SZRD1: variants seen among roughly 807,000 people sequenced by gnomAD.
SZRD1 encodes the protein SUZ RNA-binding domain-containing.
SZRD1 carries 7 observed loss-of-function variants against 17.6 expected under a neutral mutation model. The observed-to-expected ratio is 0.40, with a 90% CI of 0.23 to 0.75. SZRD1 has a LOEUF of 0.75. SZRD1 is among the 30% of genes least tolerant of loss of function. The pLI is 0.38. For missense variants in SZRD1, 178 were observed against 201.8 expected, an observed-to-expected ratio of 0.88 and a Z score of 0.71; for synonymous variants, 77 against 77.9, an observed-to-expected ratio of 0.99 and a Z score of 0.06.
chr1:16,369,873 G>A (rs1321037573), intron 1 of SZRD1, among the ~76,000 whole-genome samples: 1 of 141,742 alleles, frequency 7.1e-6, no homozygotes, highest in Non-Finnish European at 1.5e-5. Context: ...TGGGCAACAA[G>A]AGTGAAACTC....
chr1:16,388,555 A>G (rs1557629721), intron 1 of SZRD1, among the ~76,000 whole-genome samples: 1 of 152,080 alleles, frequency 6.6e-6, no homozygotes, highest in Admixed American at 6.6e-5. Flanking sequence ...GAGAAAAACT[A>G]TGTTCTAGGA....
chr1:16,394,948 C>G, intron 3 of SZRD1, 90 bp from the exon 4 acceptor site: 3 of 783,170 alleles, frequency 3.8e-6, no homozygotes. Flanking sequence ...GAATGAGACT[C>G]CGTCTCAAAA....
At chr1:16,388,459 G>A (rs982656705) in intron 1 of SZRD1, among the ~76,000 whole-genome samples, 1 of 152,088 alleles carries the variant, frequency 6.6e-6, no homozygotes, top group Non-Finnish European at 1.5e-5. Flanking sequence ...ATAGGTGTCA[G>A]TGTTAGACTA....
intron 1 of SZRD1, among the ~76,000 whole-genome samples, chr1:16,379,964 G>A (rs1386473763): frequency 6.6e-6 from 1 of 152,060 alleles, no homozygotes; most frequent in African/African-American, 2.4e-5. Flanking sequence ...GCTTCACCAT[G>A]TTGGCCAGGC....
At chr1:16,370,405 T>G (rs956533735) in intron 1 of SZRD1, among the ~76,000 whole-genome samples, 7 of 151,940 alleles carry the variant, frequency 4.6e-5, no homozygotes, top group Non-Finnish European at 1.0e-4. Flanking sequence ...TTTTGTATTT[T>G]TAGTAGAGAC....
chr1:16,385,719 A>G (rs1051283430), intron 1 of SZRD1, among the ~76,000 whole-genome samples: 3 of 152,048 alleles, frequency 2.0e-5, no homozygotes, highest in Admixed American at 1.3e-4. Context: ...GAATGATCTT[A>G]TCCGCATTGT....
At position 16,367,276 on chromosome 1, in the gene SZRD1, G is replaced by T. The variant is rs1156423088; in HGVS notation, c.19G>T (p.Ala7Ser). The T allele has an allele frequency of 3.2e-6, 5 of 1,548,702 alleles. No homozygotes were observed. The highest frequency in any genetic ancestry group is 4.9e-5 in the East Asian group (2 of 40,866). The change falls in exon 1 of 4, where the codon GCT becomes TCT. Residue 7 changes from alanine to serine, a missense_variant. Coordinates refer to ENST00000401088, the MANE Select transcript of SZRD1 (RefSeq NM_001114600.3). The part of the protein sequence containing the change: MEDEEV[A>S]ESWEEAADSG... ...GAGTAAGATGGAAGATGAGGAGGTC[G>T]CTGAGAGCTGGGAAGAGGCGGCAGA...
At chr1:16,369,454 G>C in intron 1 of SZRD1, 1 of 1,049,966 alleles carries the variant, frequency 9.5e-7, no homozygotes. Flanking sequence ...TACGGGGTGA[G>C]TGCATTCAAG....
In SZRD1 at chr1:16,388,795, G is replaced by A. The variant is rs763638040; in HGVS notation, c.52-2580G>A. Among the ~76,000 whole-genome samples the A allele has an allele frequency of 1.2e-4, 18 of 145,652 alleles. No homozygotes were observed. The East Asian group carries it at 2.1e-3, about 17-fold the overall frequency. On this transcript the variant is annotated intron_variant, in intron 1 of 3. Coordinates refer to ENST00000401088, the MANE Select transcript of SZRD1 (RefSeq NM_001114600.3). ...CCCTAGTAGCTGGGATTACATGTGCGCACCACCACGCCTGGATAATTGTTG... is the reference window on the plus strand; with the variant it reads ...CCCTAGTAGCTGGGATTACATGTGCACACCACCACGCCTGGATAATTGTTG...
rs2085337365 is a variant in SZRD1 at position 16,397,798 on chromosome 1, A to G, written c.*2658A>G. On this transcript the variant is annotated 3_prime_UTR_variant, in exon 4 of 4. Coordinates refer to ENST00000401088, the MANE Select transcript of SZRD1 (RefSeq NM_001114600.3). This position sits in a 1 kb window ranked among gnomAD's most constrained non-coding sequence, Gnocchi z 5.4. ...CTACCATCAGCCCCTTCCAGAGCCCATCTGCCCCGCCCAGCCCTGCCCTGC... is the reference window on the plus strand; with the variant it reads ...CTACCATCAGCCCCTTCCAGAGCCCGTCTGCCCCGCCCAGCCCTGCCCTGC... 6 of 169,170 alleles carry G rather than the reference A, an allele frequency of 3.5e-5. No homozygotes were observed. The South Asian group carries it at 1.2e-3, about 33-fold the overall frequency. The allele number at this position is 169,170 out of a possible 1,614,324, so 10.5% of individuals were successfully genotyped here.
chr1:16,369,402 C>A, intron 1 of SZRD1: 1 of 1,076,020 alleles, frequency 9.3e-7, no homozygotes, highest in African/African-American at 1.6e-5. Flanking sequence ...TCCTTTCTTG[C>A]AAAAACTGCT....
At chr1:16,392,296 G>T (rs565771831) in intron 2 of SZRD1, among the ~76,000 whole-genome samples, 1 of 152,316 alleles carries the variant, frequency 6.6e-6, no homozygotes, top group African/African-American at 2.4e-5. Context: ...TCTGGAAGCA[G>T]GCTTGTTTGG....
At chr1:16,369,660 G>C (rs1178877425) in intron 1 of SZRD1, 5 of 521,620 alleles carry the variant, frequency 9.6e-6, no homozygotes, top group African/African-American at 3.9e-5. Flanking sequence ...AGGCTGAGGT[G>C]GGTGGATAAC....
chr1:16,392,877 G>A (rs979683709), intron 2 of SZRD1, among the ~76,000 whole-genome samples: 1 of 152,170 alleles, frequency 6.6e-6, no homozygotes, highest in South Asian at 2.1e-4. Flanking sequence ...CTTAACTGAC[G>A]TCATTCAATT....
Position 16,395,207 on chromosome 1 carries a change from C to T in SZRD1, c.*67C>T. ...CTCCTGGGTCGTCCGCCACGGGTTGCACTGCCGTGGCAGACAGCTGGACTT... is the reference window on the plus strand; with the variant it reads ...CTCCTGGGTCGTCCGCCACGGGTTGTACTGCCGTGGCAGACAGCTGGACTT... On this transcript the variant is annotated 3_prime_UTR_variant, in exon 4 of 4. Transcript: ENST00000401088. 8.9e-7 allele frequency: 1 copy of T among 1,127,672 alleles called. No homozygotes were observed. The highest frequency in any genetic ancestry group is 1.3e-6 in the Non-Finnish European group (1 of 740,792). The allele number at this position is 1,127,672 out of a possible 1,614,324, so 69.9% of individuals were successfully genotyped here. A position where few individuals can be genotyped will look rare whatever the true frequency, so the allele number is the denominator to read the frequency against.
Position 16,397,919 on chromosome 1 carries a change from A to G in SZRD1, c.*2779A>G. ...CCTCCCTGGTAAGCAGAGACTCAAG[A>G]AACCTCTGGGGTCCTGTTTTCTGGT... On this transcript the variant is annotated 3_prime_UTR_variant, in exon 4 of 4. Transcript: ENST00000401088. This position sits in a 1 kb window ranked among gnomAD's most constrained non-coding sequence, Gnocchi z 5.4. 3.9e-6 allele frequency: 2 copies of G among 506,806 alleles called. No individual in the cohort carries two copies. The highest frequency in any genetic ancestry group is 5.1e-6 in the Non-Finnish European group (2 of 393,136). 31.4% of individuals were successfully genotyped at this position (506,806 alleles called of 1,614,324 possible).
At chr1:16,389,350 C>T (rs1240359354) in intron 1 of SZRD1, among the ~76,000 whole-genome samples, 28 of 151,904 alleles carry the variant, frequency 1.8e-4, no homozygotes, top group East Asian at 1.9e-4. Context: ...CTGCAAGCTT[C>T]GCCTCCCGGG....
Position 16,380,530 on chromosome 1 carries a change from G to A in SZRD1, c.52-10845G>A, listed in dbSNP as rs138436204. Among the ~76,000 whole-genome samples the A allele has an allele frequency of 9.8e-3, 1,496 of 151,986 alleles. 21 individuals carry two copies. The highest frequency in any genetic ancestry group is 0.035 in the African/African-American group (1,443 of 41,434). On this transcript the variant is annotated intron_variant, in intron 1 of 3. Coordinates refer to ENST00000401088, the MANE Select transcript of SZRD1 (RefSeq NM_001114600.3). ...GCCCAGGCTACTGGAGTGCAGTGGC[G>A]TGATCGCGGTTCACCACAGCCTCCA...
intron 1 of SZRD1, among the ~76,000 whole-genome samples, chr1:16,375,243 C>T (rs2082980442): frequency 6.6e-6 from 1 of 152,092 alleles, no homozygotes; most frequent in Non-Finnish European, 1.5e-5. Flanking sequence ...TAGCTCTGTG[C>T]AGGATATTAA....
Sources: gnomAD v4.1 joint callset for allele counts (sites outside exome capture counted in the v4.1 genomes callset) on GRCh38, gnomAD v4.1.1 for gene constraint, Gnocchi (gnomAD v3.1) non-coding constraint, MANE v1.5 for transcripts, NCBI Gene and HGNC (gene_info 2026-07-23, HGNC 2026-07-21) for gene names.